The following FAM53A variants were observed in gnomAD, a reference collection of about 807,000 sequenced individuals.
FAM53A encodes the protein protein FAM53A.
Under a neutral mutation model 26.6 loss-of-function variants are expected in FAM53A, and 28 were observed. That is an observed-to-expected ratio of 1.05 (90% CI 0.78 to 1.45). The LOEUF (loss-of-function observed/expected upper bound fraction) is 1.45. FAM53A is among the 40% of genes most tolerant of loss of function. FAM53A has a pLI of 0.00. For missense variants in FAM53A, 650 were observed against 575.8 expected, an observed-to-expected ratio of 1.13 and a Z score of -1.32; for synonymous variants, 290 against 253.1, an observed-to-expected ratio of 1.15 and a Z score of -1.38.
At chr4:1,611,960 A>G in the FAM53A span, among the ~76,000 whole-genome samples, 2 of 152,244 alleles carry the variant, frequency 1.3e-5, no homozygotes, top group East Asian at 3.8e-4. Flanking sequence ...CCAAGAATGT[A>G]TCGCACAAAT....
chr4:1,615,368 G>A (rs1404667925), downstream of FAM53A, among the ~76,000 whole-genome samples: 2 of 145,752 alleles, frequency 1.4e-5, no homozygotes, highest in South Asian at 2.2e-4. Context: ...CCCCACCTGG[G>A]CACACACACG....
intron 2 of FAM53A, among the ~76,000 whole-genome samples, chr4:1,665,995 CT>C (rs1229363791): frequency 5.2e-4 from 64 of 122,200 alleles, no homozygotes; most frequent in African/African-American, 2.0e-3. Flanking sequence ...CCTGCACCCC[CT>C]GTATCTAAAA....
At chr4:1,591,963 G>A in the FAM53A span, among the ~76,000 whole-genome samples, 1 of 152,212 alleles carries the variant, frequency 6.6e-6, no homozygotes, top group East Asian at 1.9e-4. Context: ...TAAATACAGT[G>A]AAACGGGAGA....
the FAM53A span, among the ~76,000 whole-genome samples, chr4:1,608,356 C>T: frequency 6.6e-6 from 1 of 152,170 alleles, no homozygotes; most frequent in Non-Finnish European, 1.5e-5. Flanking sequence ...CCTGGGTGCC[C>T]CCAGCCCCAT....
intron 4 of FAM53A, among the ~76,000 whole-genome samples, chr4:1,647,595 T>G (rs1712357857): frequency 6.6e-6 from 1 of 152,238 alleles, no homozygotes; most frequent in Non-Finnish European, 1.5e-5. Context: ...GCACGCAGAC[T>G]GCACAACACA....
chr4:1,592,006 C>G, the FAM53A span, among the ~76,000 whole-genome samples: 1 of 152,260 alleles, frequency 6.6e-6, no homozygotes, highest in South Asian at 2.1e-4. Context: ...GTCGGTCACC[C>G]CAGACCACAG....
chr4:1,663,973 G>A (rs1057269824), intron 2 of FAM53A, among the ~76,000 whole-genome samples: 4 of 152,170 alleles, frequency 2.6e-5, no homozygotes, highest in South Asian at 4.1e-4. Flanking sequence ...GGAGGGGAGC[G>A]CACGAGGCGG....
intron 1 of FAM53A, among the ~76,000 whole-genome samples, chr4:1,620,274 T>A (rs12501249): frequency 6.6e-6 from 1 of 151,520 alleles, no homozygotes; most frequent in Non-Finnish European, 1.5e-5. Flanking sequence ...TTATTTCCCA[T>A]AACAGACCTT....
the FAM53A span, among the ~76,000 whole-genome samples, chr4:1,598,351 G>A: frequency 1.2e-3 from 183 of 152,380 alleles, 1 homozygote; most frequent in African/African-American, 3.9e-3. Context: ...CTTCCGCCAG[G>A]CCCTTGGCCC....
intron 1 of FAM53A, among the ~76,000 whole-genome samples, chr4:1,674,560 T>G (rs1346915878): frequency 1.3e-5 from 2 of 151,916 alleles, no homozygotes; most frequent in Non-Finnish European, 2.9e-5. Context: ...TCCCAGCTAC[T>G]TGGGAGGCTG....
chr4:1,625,152 G>C lies in FAM53A; in HGVS notation c.432-7041C>G, dbSNP rs113101242. 1.5e-3 allele frequency among the ~76,000 whole-genome samples: 54 copies of C among 36,958 alleles called. 1 individual carries two copies. The highest frequency in any genetic ancestry group is 2.6e-3 in the African/African-American group (11 of 4,156). The allele number at this position is 36,958 out of a possible 152,430, so 24.2% of individuals were successfully genotyped here. A position where few individuals can be genotyped will look rare whatever the true frequency, so the allele number is the denominator to read the frequency against. On this transcript the variant is annotated intron_variant, in intron 1 of 1. Transcript: ENST00000489029. ...AGGGGTCACACCAGGTGATCAGAAG[G>C]CCCCACGTCCCGGCCCACGTGGTCA...
chr4:1,605,978 AGCTG>A, the FAM53A span, among the ~76,000 whole-genome samples: 1 of 151,412 alleles, frequency 6.6e-6, no homozygotes, highest in African/African-American at 2.4e-5. This position sits in a 1 kb window ranked among gnomAD's most constrained non-coding sequence, Gnocchi z 5.7. Flanking sequence ...GACTGACGTT[AGCTG>A]GCCTAGCAGG....
chr4:1,598,381 C>T, the FAM53A span, among the ~76,000 whole-genome samples: 2 of 152,206 alleles, frequency 1.3e-5, no homozygotes, highest in Admixed American at 6.5e-5. Flanking sequence ...CGGACGGGAG[C>T]CAGGACCCCC....
At chr4:1,599,724 G>T in the FAM53A span, among the ~76,000 whole-genome samples, 1 of 151,764 alleles carries the variant, frequency 6.6e-6, no homozygotes, top group Non-Finnish European at 1.5e-5. The surrounding 1 kb of genome is among the most constrained non-coding windows in gnomAD (Gnocchi z 6.1). Context: ...ACCCACACTA[G>T]TCAAACACAC....
At chr4:1,647,612 G>C (rs1393222811) in intron 4 of FAM53A, among the ~76,000 whole-genome samples, 1 of 152,228 alleles carries the variant, frequency 6.6e-6, no homozygotes. Context: ...CACACGCCAG[G>C]GACGCCGGAC....
At chr4:1,612,967 C>T (rs150101606), downstream of FAM53A, among the ~76,000 whole-genome samples, 102 of 152,338 alleles carry the variant, frequency 6.7e-4, no homozygotes, top group Middle Eastern at 0.01. Context: ...ATTCACTAAC[C>T]CAGGCATGCA....
intron 2 of FAM53A, among the ~76,000 whole-genome samples, chr4:1,658,603 C>T (rs941412405): frequency 7.9e-5 from 12 of 152,226 alleles, no homozygotes; most frequent in Admixed American, 7.2e-4. Context: ...AGCCACAGGG[C>T]GTGGTGGCAG....
In FAM53A at chr4:1,655,312, G is replaced by A. The variant is rs565628128; in HGVS notation, c.548C>T (p.Ala183Val). The change falls in exon 4 of 5, where the codon GCC becomes GTC. Residue 183 changes from alanine (A) to valine (V), a missense_variant. Transcript: ENST00000308132. ...AVWSTGPTSPATPRPSSASGG... is the reference protein window; with the variant it reads ...AVWSTGPTSPVTPRPSSASGG... Reference sequence around the variant, plus strand: ...GCTGGCGGAGGACGGCCGGGGCGTGGCGGGCGAGGTGGGACCGGTCGACCA... The same window carrying A: ...GCTGGCGGAGGACGGCCGGGGCGTGACGGGCGAGGTGGGACCGGTCGACCA... 38 of 1,417,938 alleles carry A rather than the reference G, an allele frequency of 2.7e-5. 1 individual carries two copies. The South Asian group carries it at 4.7e-4, about 18-fold the overall frequency. The allele number at this position is 1,417,938 out of a possible 1,614,324, so 87.8% of individuals were successfully genotyped here. A position where few individuals can be genotyped will look rare whatever the true frequency, so the allele number is the denominator to read the frequency against.
chr4:1,637,842 G>C (rs937238648), downstream of FAM53A, among the ~76,000 whole-genome samples: 1 of 152,100 alleles, frequency 6.6e-6, no homozygotes, highest in African/African-American at 2.4e-5. Context: ...CACACGGGCT[G>C]ACCGCTGAGG....
Sources: allele counts gnomAD v4.1 joint callset (sites outside exome capture counted in the v4.1 genomes callset), GRCh38; gene constraint gnomAD v4.1.1; non-coding constraint Gnocchi (gnomAD v3.1); transcripts MANE v1.5; gene names NCBI Gene and HGNC (gene_info 2026-07-23, HGNC 2026-07-21).